RAB27A: variants seen among roughly 807,000 people sequenced by gnomAD.
RAB27A encodes ras-related protein Rab-27A.
RAB27A carries 17 observed loss-of-function variants against 20.8 expected under a neutral mutation model. The ratio of observed to expected loss-of-function variants is 0.82; its 90% CI spans 0.56 to 1.23. The LOEUF is 1.23. RAB27A is among the 50% of genes most tolerant of loss of function. The pLI is 0.00. For missense variants in RAB27A, 277 were observed against 266.7 expected (o/e 1.04, Z -0.27); for synonymous variants, 85 against 92.8 (o/e 0.92, Z 0.48).
chr15:55,313,798 CCT>C (rs1255913684), intron 2 of RAB27A, among the ~76,000 whole-genome samples: 2 of 151,984 alleles, frequency 1.3e-5, no homozygotes, highest in Non-Finnish European at 2.9e-5. Context: ...ATGGTGAAGC[CCT>C]GTCTCTACTA....
At chr15:55,271,854 CG>C (rs1332373991) in intron 1 of RAB27A, among the ~76,000 whole-genome samples, 8 of 152,152 alleles carry the variant, frequency 5.3e-5, no homozygotes, top group African/African-American at 1.9e-4. Flanking sequence ...AAACCACCAC[CG>C]GCCTCAAGAA....
intron 2 of RAB27A, among the ~76,000 whole-genome samples, chr15:55,266,972 A>G (rs1027340010): frequency 2.0e-5 from 3 of 152,232 alleles, no homozygotes; most frequent in African/African-American, 7.2e-5. Context: ...GCCATGGGAA[A>G]AATGAGATGG....
At chr15:55,213,771 G>A (rs939831860) in intron 6 of RAB27A, among the ~76,000 whole-genome samples, 9 of 152,208 alleles carry the variant, frequency 5.9e-5, no homozygotes, top group Non-Finnish European at 1.3e-4. Flanking sequence ...AGATGGGACT[G>A]TCCAGTTGCA....
At chr15:55,229,151 G>C (rs1895934234) in intron 4 of RAB27A, among the ~76,000 whole-genome samples, 2 of 152,022 alleles carry the variant, frequency 1.3e-5, no homozygotes, top group South Asian at 4.2e-4. Flanking sequence ...ACCTTATTCT[G>C]TCTTGGTACT....
chr15:55,297,170 C>T (rs1257744022), intron 2 of RAB27A, among the ~76,000 whole-genome samples: 2 of 152,144 alleles, frequency 1.3e-5, no homozygotes, highest in Non-Finnish European at 2.9e-5. Context: ...ACTAGTAGAT[C>T]ACTGGTAGAG....
intron 1 of RAB27A, among the ~76,000 whole-genome samples, chr15:55,316,183 C>A (rs561151885): frequency 1.4e-5 from 2 of 140,692 alleles, no homozygotes; most frequent in African/African-American, 5.4e-5. Flanking sequence ...TGCAGCAAAC[C>A]AATATTGCGC....
At chr15:55,245,417 G>T (rs1426760832) in intron 2 of RAB27A, among the ~76,000 whole-genome samples, 2 of 152,180 alleles carry the variant, frequency 1.3e-5, no homozygotes, top group Non-Finnish European at 2.9e-5. Flanking sequence ...TTGAAAAGTA[G>T]AAGGAAACAG....
intron 2 of RAB27A, among the ~76,000 whole-genome samples, chr15:55,309,804 G>A (rs2055012581): frequency 6.6e-6 from 1 of 152,026 alleles, no homozygotes; most frequent in African/African-American, 2.4e-5. Context: ...TGTCCATTGG[G>A]TTTCTGTACT....
chr15:55,227,188 C>A (rs1432267223), intron 5 of RAB27A, among the ~76,000 whole-genome samples: 1 of 152,176 alleles, frequency 6.6e-6, no homozygotes, highest in South Asian at 2.1e-4. Flanking sequence ...TAATTTTGTT[C>A]TTTATCCAAC....
intron 5 of RAB27A, among the ~76,000 whole-genome samples, chr15:55,224,892 A>C (rs4774752): frequency 0.99 from 150,261 of 152,312 alleles, 74,144 homozygotes; most frequent in Middle Eastern, 1. Context: ...ATTATGAAGT[A>C]GTGTTCATCA....
At chr15:55,244,092 C>T (rs917195859) in intron 2 of RAB27A, among the ~76,000 whole-genome samples, 6 of 151,940 alleles carry the variant, frequency 3.9e-5, no homozygotes, top group Admixed American at 1.3e-4. Context: ...CTTGAGGTCA[C>T]GAGTTCGAGA....
At position 55,230,468 on chromosome 15, in the gene RAB27A, G is replaced by A. The variant is rs201284258; in HGVS notation, c.172C>T (p.Pro58Ser). The A allele has an allele frequency of 1.4e-4, 232 of 1,613,418 alleles. No homozygotes were observed. Among genetic ancestry groups the A allele is most frequent in the Middle Eastern group, 5.0e-4 (3 of 6,058 alleles). ...EKRVVYRASG[P>S]DGATGRGQRI... ...TGGCCTCTGCCAGTGGCTCCATCCG[G>A]CCCACTGGCTCTGTACACCTAAAAC... The change falls in exon 4 of 7, where the codon CCG becomes TCG. Residue 58 changes from proline (P) to serine (S), a missense_variant. By Grantham distance (74) the Pro-to-Ser change is moderately conservative. Transcript: ENST00000336787.
intron 6 of RAB27A, among the ~76,000 whole-genome samples, chr15:55,208,794 T>C (rs1595666096): frequency 6.6e-6 from 1 of 152,218 alleles, no homozygotes; most frequent in Admixed American, 6.5e-5. Context: ...GGCTGGTGGC[T>C]GGCACCTGCC....
chr15:55,309,682 C>A (rs764215845), intron 2 of RAB27A, among the ~76,000 whole-genome samples: 9 of 152,140 alleles, frequency 5.9e-5, no homozygotes, highest in Non-Finnish European at 1.2e-4. Flanking sequence ...GGACTGTAAA[C>A]CACTCTGCTT....
chr15:55,226,679 G>A (rs1013930294), intron 5 of RAB27A, among the ~76,000 whole-genome samples: 2 of 152,040 alleles, frequency 1.3e-5, no homozygotes, highest in South Asian at 2.1e-4. Context: ...ATGAAACCCC[G>A]GGAGATGGGT....
intron 2 of RAB27A, among the ~76,000 whole-genome samples, chr15:55,240,381 G>A (rs1896432260): frequency 6.6e-6 from 1 of 152,128 alleles, no homozygotes; most frequent in African/African-American, 2.4e-5. Flanking sequence ...ACACTCTCTT[G>A]CTGAAAATGG....
chr15:55,294,565 G>GCAA (rs570760648), upstream of RAB27A, among the ~76,000 whole-genome samples: 82 of 121,176 alleles, frequency 6.8e-4, no homozygotes, highest in Admixed American at 1.9e-3. Context: ...ACCAGCCTGG[G>GCAA]CAACAGAACA....
chr15:55,261,118 G>A (rs1897252830), intron 2 of RAB27A, among the ~76,000 whole-genome samples: 1 of 152,108 alleles, frequency 6.6e-6, no homozygotes, highest in Non-Finnish European at 1.5e-5. Flanking sequence ...AACTCGGCCA[G>A]GCATGGTGGC....
chr15:55,276,874 G>A (rs1897888559), intron 1 of RAB27A, among the ~76,000 whole-genome samples: 1 of 152,210 alleles, frequency 6.6e-6, no homozygotes, highest in African/African-American at 2.4e-5. Flanking sequence ...CTTGGGAGGT[G>A]ATGGATACAT....
Sources: gnomAD v4.1 joint callset for allele counts (sites outside exome capture counted in the v4.1 genomes callset) on GRCh38, gnomAD v4.1.1 for gene constraint, MANE v1.5 for transcripts, NCBI Gene and HGNC (gene_info 2026-07-23, HGNC 2026-07-21) for gene names.